The following MAP3K9 variants were observed in gnomAD, a reference collection of about 807,000 sequenced individuals.
MAP3K9 encodes mixed lineage kinase 1 (tyr and ser/thr specificity).
A neutral mutation model predicts 95.8 loss-of-function variants in MAP3K9; 46 were observed. That is an observed-to-expected ratio of 0.48 (90% confidence interval 0.38 to 0.61). MAP3K9 has a LOEUF of 0.61. Ranked by LOEUF, MAP3K9 falls within the 20% of genes least tolerant of loss-of-function variation. MAP3K9 has a pLI of 0.00. For synonymous variants in MAP3K9, 533 were observed against 593.8 expected (o/e 0.90, Z 1.49); for missense variants, 1,296 against 1,474.3 (o/e 0.88, Z 1.98).
At position 70,724,974 on chromosome 14, in the gene MAP3K9, G is replaced by T; in HGVS notation, c.*5406C>A. Reference sequence around the variant, plus strand: ...ATGTCCACATCTGCCAATCAGCCTAGTAAAACTAGGTGATGAGTGCTTTCA... The same window carrying T: ...ATGTCCACATCTGCCAATCAGCCTATTAAAACTAGGTGATGAGTGCTTTCA... On this transcript the variant is annotated 3_prime_UTR_variant, in exon 12 of 12. Transcript: ENST00000554752. The T allele has an allele frequency of 6.6e-6, 1 of 152,370 alleles. No homozygotes were observed. Among genetic ancestry groups the T allele is most frequent in the Non-Finnish European group, 1.5e-5 (1 of 68,070 alleles). The allele number at this position is 152,370 out of a possible 1,614,324, so 9.4% of individuals were successfully genotyped here. A position where few individuals can be genotyped will look rare whatever the true frequency, so the allele number is the denominator to read the frequency against.
At chr14:70,796,594 T>G (rs956477129) in intron 2 of MAP3K9, among the ~76,000 whole-genome samples, 1 of 152,066 alleles carries the variant, frequency 6.6e-6, no homozygotes, top group Admixed American at 6.5e-5. Flanking sequence ...CTCCAGCGAG[T>G]GATGGCCAGG....
intron 2 of MAP3K9, among the ~76,000 whole-genome samples, chr14:70,771,190 T>C (rs1389477116): frequency 6.6e-6 from 1 of 152,218 alleles, no homozygotes; most frequent in Admixed American, 6.5e-5. Flanking sequence ...GTAGGTTTGC[T>C]GTGGCTTTCA....
chr14:70,738,905 A>G (rs967495725), intron 7 of MAP3K9, among the ~76,000 whole-genome samples: 1 of 152,138 alleles, frequency 6.6e-6, no homozygotes, highest in African/African-American at 2.4e-5. Context: ...GAGAGGAGGA[A>G]TATTTTTCTG....
intron 2 of MAP3K9, among the ~76,000 whole-genome samples, chr14:70,791,170 C>T (rs559633682): frequency 1.7e-3 from 265 of 152,280 alleles, no homozygotes; most frequent in Non-Finnish European, 2.7e-3. Context: ...GAGGAAGAGA[C>T]TAAATACTCA....
chr14:70,808,748 G>C lies in MAP3K9; in HGVS notation c.406+18C>G. The C allele has an allele frequency of 1.4e-6, 2 of 1,441,062 alleles. No individual in the cohort carries two copies. Among genetic ancestry groups the C allele is most frequent in the Middle Eastern group, 2.4e-4 (1 of 4,224 alleles). The allele number at this position is 1,441,062 out of a possible 1,614,324, so 89.3% of individuals were successfully genotyped here. ...CTCCGTCATTCCCCCTCCCCGCCCG[G>C]CCCCGCCTTCGCCTTACACTGAATG... On this transcript the variant is annotated intron_variant, in intron 1 of 11. Transcript: ENST00000554752.
intron 2 of MAP3K9, among the ~76,000 whole-genome samples, chr14:70,798,766 C>A (rs886351087): frequency 6.6e-6 from 1 of 152,070 alleles, no homozygotes; most frequent in Non-Finnish European, 1.5e-5. Flanking sequence ...GCGTGAGCCA[C>A]CGCGCCCGGC....
intron 11 of MAP3K9, 78 bp from the exon 12 acceptor site, chr14:70,730,942 C>T: frequency 7.0e-7 from 1 of 1,418,508 alleles, no homozygotes; most frequent in Non-Finnish European, 9.5e-7. Context: ...TCCCCCCCAA[C>T]ACCACCATAT....
In MAP3K9 at chr14:70,730,479, T is replaced by TGCATCCAGGTCCAGG; in HGVS notation, c.3201_3215dup (p.Leu1068_Ala1072dup). The TGCATCCAGGTCCAGG allele has an allele frequency of 1.9e-6, 3 of 1,614,150 alleles. No individual in the cohort carries two copies. The highest frequency in any genetic ancestry group is 2.5e-6 in the Non-Finnish European group (3 of 1,180,040). On this transcript the variant is annotated inframe_insertion, in exon 12 of 12. Coordinates refer to ENST00000554752, the MANE Select transcript of MAP3K9 (RefSeq NM_001284230.2). ...CGGTGCTGTCCTGACTCTGCCCCTC[T>TGCATCCAGGTCCAGG]GCATCCAGGTCCAGGAGCGTCCGCT... is the stretch of plus-strand genomic sequence containing the variant.
intron 2 of MAP3K9, among the ~76,000 whole-genome samples, chr14:70,778,886 C>T (rs965022877): frequency 6.6e-6 from 1 of 152,158 alleles, no homozygotes; most frequent in African/African-American, 2.4e-5. Context: ...CCCCGTCCAC[C>T]CATCTTGTTT....
chr14:70,797,957 G>T (rs1403439945), intron 2 of MAP3K9, among the ~76,000 whole-genome samples: 1 of 152,132 alleles, frequency 6.6e-6, no homozygotes, highest in South Asian at 2.1e-4. Context: ...ACATTACTGG[G>T]CAGCAACTGT....
chr14:70,752,369 G>C (rs956492146), intron 3 of MAP3K9, among the ~76,000 whole-genome samples: 1 of 152,208 alleles, frequency 6.6e-6, no homozygotes, highest in Non-Finnish European at 1.5e-5. Flanking sequence ...AGCACTCATA[G>C]ATATGTGAGT....
At chr14:70,733,688 G>T in intron 10 of MAP3K9, 1 of 717,186 alleles carries the variant, frequency 1.4e-6, no homozygotes, top group East Asian at 2.7e-5. Context: ...CAGTTGCTGG[G>T]TGTGTCTGTG....
At chr14:70,758,341 T>C (rs577575076) in intron 3 of MAP3K9, among the ~76,000 whole-genome samples, 6 of 152,314 alleles carry the variant, frequency 3.9e-5, no homozygotes, top group African/African-American at 1.4e-4. Flanking sequence ...CAAAATACTA[T>C]TTCATATCCA....
At chr14:70,792,855 A>C (rs1345596525) in intron 2 of MAP3K9, among the ~76,000 whole-genome samples, 1 of 152,236 alleles carries the variant, frequency 6.6e-6, no homozygotes, top group Non-Finnish European at 1.5e-5. Context: ...GAGCCTGCTG[A>C]GCTGAGGCCA....
chr14:70,793,635 A>C (rs568119308), intron 2 of MAP3K9, among the ~76,000 whole-genome samples: 4 of 151,952 alleles, frequency 2.6e-5, no homozygotes, highest in Admixed American at 2.6e-4. Flanking sequence ...CACGTAAGTA[A>C]ACCAGTTCAC....
intron 1 of MAP3K9, among the ~76,000 whole-genome samples, chr14:70,806,101 ACT>A (rs1434458182): frequency 6.6e-6 from 1 of 152,114 alleles, no homozygotes; most frequent in Non-Finnish European, 1.5e-5. Context: ...CAAAAGGGTA[ACT>A]CTGGCGATGA....
chr14:70,808,451 T>C (rs1054458201), intron 1 of MAP3K9, among the ~76,000 whole-genome samples: 41 of 147,256 alleles, frequency 2.8e-4, no homozygotes, highest in Non-Finnish European at 5.6e-4. Context: ...GGGGGGTGGG[T>C]AAGAGAAGGG....
intron 2 of MAP3K9, among the ~76,000 whole-genome samples, chr14:70,766,188 G>C (rs186771931): frequency 2.0e-5 from 3 of 152,042 alleles, no homozygotes; most frequent in Non-Finnish European, 4.4e-5. Flanking sequence ...ATGGGTCTAG[G>C]TTCACTGTAA....
In MAP3K9 at chr14:70,730,793, A is replaced by C; in HGVS notation, c.2902T>G (p.Phe968Val). ...FPRLPDPNVV[F>V]PPTPRRWNTQ... ...TTCCAGCGCCTTGGGGTTGGGGGGA[A>C]GACCACATTGGGGTCAGGGAGACGG... is the stretch of plus-strand genomic sequence containing the variant. Residue 968 changes from phenylalanine (F) to valine (V), a missense_variant, in exon 12 of 12, where the codon TTC (phenylalanine) becomes GTC (valine). By Grantham distance (50) the Phe-to-Val change is conservative. This residue lies in a region of MAP3K9 where 433 missense variants were observed against 441.4 expected (regional missense o/e 0.98). Transcript: ENST00000554752. The C allele has an allele frequency of 6.2e-7, 1 of 1,613,042 alleles. No individual in the cohort carries two copies. The highest frequency in any genetic ancestry group is 1.1e-5 in the South Asian group (1 of 91,002).
Sources: gnomAD v4.1 joint callset for allele counts (sites outside exome capture counted in the v4.1 genomes callset) on GRCh38, gnomAD v4.1.1 for gene constraint, gnomAD v4.1.1 regional missense constraint, MANE v1.5 for transcripts, NCBI Gene and HGNC (gene_info 2026-07-23, HGNC 2026-07-21) for gene names.